KCP: variants seen among roughly 807,000 people sequenced by gnomAD.
KCP encodes the protein kielin cysteine rich BMP regulator.
KCP carries 194 observed loss-of-function variants against 212.7 expected under a neutral mutation model. The ratio of observed to expected loss-of-function variants is 0.91; its 90% CI spans 0.81 to 1.03. The LOEUF (loss-of-function observed/expected upper bound fraction) is 1.03, where lower values mean the gene tolerates loss of function less well. Ranked by LOEUF, KCP falls within the 50% of genes least tolerant of loss-of-function variation. The pLI, the probability that KCP is intolerant of heterozygous loss-of-function variation, is 0.00. For missense variants in KCP, 2,080 were observed against 2,162.5 expected (o/e 0.96, Z 0.76); for synonymous variants, 833 against 865.3 (o/e 0.96, Z 0.65).
In KCP at chr7:128,876,980, T is replaced by C; in HGVS notation, c.*63A>G. The C allele has an allele frequency of 6.6e-7, 1 of 1,512,786 alleles. No homozygotes were observed. The highest frequency in any genetic ancestry group is 8.8e-7 in the Non-Finnish European group (1 of 1,133,514). The allele number at this position is 1,512,786 out of a possible 1,614,324, so 93.7% of individuals were successfully genotyped here. Reference sequence around the variant, plus strand: ...ATTCTCTCCATAGCCCTAACCAGGGTGGGAACTGCTCGCCAAGGGGAGACT... The same window carrying C: ...ATTCTCTCCATAGCCCTAACCAGGGCGGGAACTGCTCGCCAAGGGGAGACT... On this transcript the variant is annotated 3_prime_UTR_variant, in exon 40 of 40. Transcript: ENST00000610776.
intron 39 of KCP, 55 bp downstream of exon 39, chr7:128,877,428 GC>G (rs1793059471): frequency 2.6e-6 from 4 of 1,536,248 alleles, no homozygotes; most frequent in African/African-American, 1.4e-5. Context: ...CCTCCGGGCT[GC>G]CCTTCTTCTC....
chr7:128,880,139 C>T (rs746521377), intron 34 of KCP, 54 bp from the exon 35 acceptor site: 18 of 1,461,982 alleles, frequency 1.2e-5, no homozygotes, highest in Admixed American at 2.3e-5. Context: ...CCATGCCTCT[C>T]GCAGACCCTC....
chr7:128,877,463 C>T (rs1399397958), intron 39 of KCP, 21 bp downstream of exon 39: 1 of 1,549,750 alleles, frequency 6.5e-7, no homozygotes, highest in Admixed American at 2.0e-5. Context: ...CCCCAACCTG[C>T]AGCGGGCATC....
rs1332552471 is a variant in KCP, at chr7:128,892,728, A to G, written c.1487T>C (p.Phe496Ser). The G allele has an allele frequency of 1.3e-6, 2 of 1,551,704 alleles. No homozygotes were observed. Reference sequence around the variant, plus strand: ...ATGGCAAGGGCTGTCTGCATCCGTGAAGTTCTGCCCATTGGCATACACTTG... The same window carrying G: ...ATGGCAAGGGCTGTCTGCATCCGTGGAGTTCTGCCCATTGGCATACACTTG... ...HSQVYANGQNFTDADSPCHAC... is the reference protein window; with the variant it reads ...HSQVYANGQNSTDADSPCHAC... Residue 496 changes from phenylalanine (F) to serine (S), a missense_variant, in exon 15 of 40, where the codon TTC becomes TCC. Physicochemically the swap from Phe to Ser is radical, Grantham distance 155. Transcript: ENST00000610776.
At chr7:128,902,057 T>G (rs559372774) in intron 8 of KCP, among the ~76,000 whole-genome samples, 58 of 152,182 alleles carry the variant, frequency 3.8e-4, no homozygotes, top group Non-Finnish European at 6.2e-4. Context: ...CTCCAGCAAA[T>G]GTTAATGTTT....
rs73461511 is a variant in KCP at position 128,893,738 on chromosome 7, C to G, written c.1099+68G>C. The G allele has an allele frequency of 1.3e-4, 195 of 1,478,616 alleles. No homozygotes were observed. In the African/African-American group the frequency reaches 2.4e-3, roughly 18 times the overall value. 91.6% of individuals were successfully genotyped at this position (1,478,616 alleles called of 1,614,324 possible). A position where few individuals can be genotyped will look rare whatever the true frequency, so the allele number is the denominator to read the frequency against. On this transcript the variant is annotated intron_variant, in intron 11 of 39. Coordinates refer to ENST00000610776, the MANE Select transcript of KCP (RefSeq NM_001366122.1). The stretch of plus-strand genomic sequence containing the variant: ...GGGCTTAGGTCCAAGAGAAGCAAAT[C>G]CCCCACACCTACAGCCTCTCTGCAG...
In KCP at chr7:128,887,301, C is replaced by A. The variant is rs201065820; in HGVS notation, c.2513-1G>T. The A allele has an allele frequency of 2.7e-4, 422 of 1,550,862 alleles. No individual in the cohort carries two copies. The highest frequency in any genetic ancestry group is 4.9e-4 in the Admixed American group (25 of 50,954). Reference sequence around the variant, plus strand: ...GTAGTGACGCCATGGTAGCGGCATCCTGGCAGAGCGGGGAGTCCAACAGAA... The same window carrying A: ...GTAGTGACGCCATGGTAGCGGCATCATGGCAGAGCGGGGAGTCCAACAGAA... On this transcript the variant is annotated splice_acceptor_variant, in intron 22 of 39. Transcript: ENST00000610776. LOFTEE classifies it high-confidence loss of function.
chr7:128,891,497 G>GCTC lies in KCP; in HGVS notation c.1829_1831dup (p.Gly610dup), dbSNP rs140670582. ...GGGGTCAGAGGGGTGGGGGAAGTCC[G>GCTC]CTCCGCTGGGGTACTCTTTCCCGCC... On this transcript the variant is annotated inframe_insertion, in exon 18 of 40. Coordinates refer to ENST00000610776, the MANE Select transcript of KCP (RefSeq NM_001366122.1). 9.2e-3 allele frequency: 14,197 copies of GCTC among 1,549,836 alleles called. 76 individuals carry two copies. Among genetic ancestry groups the GCTC allele is most frequent in the Middle Eastern group, 0.016 (94 of 5,936 alleles).
At chr7:128,898,563 A>G (rs1794661286) in intron 8 of KCP, among the ~76,000 whole-genome samples, 1 of 152,258 alleles carries the variant, frequency 6.6e-6, no homozygotes, top group Non-Finnish European at 1.5e-5. Context: ...AAAAGTTGCT[A>G]AGGATTAACA....
chr7:128,892,825 G>C, intron 14 of KCP, 31 bp from the exon 15 acceptor site: 1 of 1,551,454 alleles, frequency 6.4e-7, no homozygotes, highest in Non-Finnish European at 8.7e-7. Context: ...AGGGTGAGCT[G>C]GGTAATGCAG....
At position 128,893,220 on chromosome 7, in the gene KCP, T is replaced by C; in HGVS notation, c.1267+18A>G. 1 of 1,549,402 alleles carries C rather than the reference T, an allele frequency of 6.5e-7. No individual in the cohort carries two copies. The highest frequency in any genetic ancestry group is 8.7e-7 in the Non-Finnish European group (1 of 1,146,202). On this transcript the variant is annotated intron_variant, in intron 13 of 39. Coordinates refer to ENST00000610776, the MANE Select transcript of KCP (RefSeq NM_001366122.1). ...AGGCAGCGCCCATAGCAGCTGCTCC[T>C]CCCCCTCTCACACACACCTGGGCAG... is the stretch of plus-strand genomic sequence containing the variant.
rs1448220895 is a variant in KCP at position 128,893,479 on chromosome 7, GGA to G, written c.1100-5_1100-4del. ...CTGGTGTCCCTGGTACTCACAGCCT[GGA>G]TGGGATGACAGGGGCGTGGGGGTAT... On this transcript the variant is annotated splice_region_variant and splice_polypyrimidine_tract_variant and intron_variant, in intron 11 of 39. Coordinates refer to ENST00000610776, the MANE Select transcript of KCP (RefSeq NM_001366122.1). 1 of 1,548,538 alleles carries G rather than the reference GGA, an allele frequency of 6.5e-7. No individual in the cohort carries two copies.
intron 8 of KCP, among the ~76,000 whole-genome samples, chr7:128,898,888 A>T (rs760368067): frequency 3.3e-4 from 50 of 152,272 alleles, no homozygotes; most frequent in Admixed American, 5.9e-4. Context: ...TTTTTCTTAA[A>T]GCAAAACCTG....
chr7:128,880,590 A>C, intron 33 of KCP, 29 bp downstream of exon 33: 1 of 1,321,170 alleles, frequency 7.6e-7, no homozygotes, highest in Non-Finnish European at 9.8e-7. Flanking sequence ...GGTCTGGCTT[A>C]CCCCTCCCCC....
intron 8 of KCP, among the ~76,000 whole-genome samples, chr7:128,898,116 T>C (rs1217667770): frequency 2.0e-5 from 3 of 152,060 alleles, no homozygotes; most frequent in Admixed American, 6.6e-5. Flanking sequence ...AGTGCAATGG[T>C]GCGATCTTGG....
chr7:128,902,527 C>T (rs1467905855), intron 8 of KCP, among the ~76,000 whole-genome samples: 1 of 152,196 alleles, frequency 6.6e-6, no homozygotes, highest in African/African-American at 2.4e-5. Flanking sequence ...TGCCCGGTCT[C>T]CTTCTCTAGC....
At chr7:128,895,199 T>C (rs1797822773) in intron 8 of KCP, among the ~76,000 whole-genome samples, 1 of 152,086 alleles carries the variant, frequency 6.6e-6, no homozygotes, top group African/African-American at 2.4e-5. Context: ...CCCAGGAAAC[T>C]CATACAGATA....
intron 22 of KCP, 131 bp downstream of exon 22, chr7:128,888,732 G>A (rs1793899605): frequency 1.2e-6 from 1 of 861,192 alleles, no homozygotes; most frequent in East Asian, 2.7e-5. Context: ...TCAAAGGTGA[G>A]GGAGTCGGAG....
At chr7:128,898,960 C>T (rs1794683523) in intron 8 of KCP, among the ~76,000 whole-genome samples, 1 of 152,140 alleles carries the variant, frequency 6.6e-6, no homozygotes. Flanking sequence ...AAAAATCTTA[C>T]CTTATAGTCA....
Sources: allele counts gnomAD v4.1 joint callset (sites outside exome capture counted in the v4.1 genomes callset), GRCh38; gene constraint gnomAD v4.1.1; transcripts MANE v1.5; gene names NCBI Gene and HGNC (gene_info 2026-07-23, HGNC 2026-07-21).